Variants in PDE10A observed in about 807,000 individuals in gnomAD.
The protein encoded by PDE10A is phosphodiesterase 10A, also known as cAMP and cAMP-inhibited cGMP 3',5'-cyclic phosphodiesterase 10A.
Under a neutral mutation model 97.7 loss-of-function variants are expected in PDE10A, and 39 were observed. The ratio of observed to expected loss-of-function variants is 0.40; its 90% confidence interval spans 0.31 to 0.52. PDE10A has a LOEUF of 0.52. PDE10A is among the 20% of genes least tolerant of loss of function. PDE10A has a pLI of 0.56. For missense variants in PDE10A, 731 were observed against 1,047.8 expected (o/e 0.70, Z 4.17); for synonymous variants, 371 against 376.8 (o/e 0.98, Z 0.18).
chr6:165,686,130 G>GAC (rs57547290), intron 1 of PDE10A, among the ~76,000 whole-genome samples: 7,860 of 145,256 alleles, frequency 0.054, 267 homozygotes, highest in East Asian at 0.15. Context: ...AATGTGCATG[G>GAC]ACACACACAC....
At chr6:165,800,445 T>C (rs1210921018) in intron 1 of PDE10A, among the ~76,000 whole-genome samples, 2 of 152,200 alleles carry the variant, frequency 1.3e-5, no homozygotes, top group Non-Finnish European at 2.9e-5. Flanking sequence ...CGGCTGGAAC[T>C]GCGGCCAGCT....
intron 2 of PDE10A, among the ~76,000 whole-genome samples, chr6:165,540,047 C>T (rs984811575): frequency 3.9e-5 from 6 of 152,116 alleles, no homozygotes; most frequent in African/African-American, 1.4e-4. Flanking sequence ...ATGTAGCGAC[C>T]CTCAGGCTAT....
intron 1 of PDE10A, among the ~76,000 whole-genome samples, chr6:165,852,902 C>T (rs532857247): frequency 3.0e-4 from 45 of 152,374 alleles, no homozygotes; most frequent in African/African-American, 1.0e-3. Flanking sequence ...AAGGAACAGA[C>T]GTGGTAACGC....
At chr6:165,563,975 G>A (rs1009082707) in intron 1 of PDE10A, among the ~76,000 whole-genome samples, 1 of 150,000 alleles carries the variant, frequency 6.7e-6, no homozygotes. Flanking sequence ...ATCCTCCTCA[G>A]TCAGTCACCC....
intron 1 of PDE10A, among the ~76,000 whole-genome samples, chr6:165,743,801 G>A (rs1187704014): frequency 6.6e-6 from 1 of 152,232 alleles, no homozygotes; most frequent in Non-Finnish European, 1.5e-5. Context: ...ATTCTACAAT[G>A]AGAATGTTAG....
At chr6:165,854,826 C>T (rs563535891) in intron 1 of PDE10A, among the ~76,000 whole-genome samples, 1 of 152,300 alleles carries the variant, frequency 6.6e-6, no homozygotes, top group Admixed American at 6.5e-5. Flanking sequence ...CGGCCCGTGG[C>T]CTTGGCGGCG....
In PDE10A at chr6:165,379,207, T is replaced by G; in HGVS notation, c.2770A>C (p.Asn924His). ...AATTATTTTTACCTATGTGATTGAT[T>G]ATTAAGGTTTAGTGATCCGGTCTGG... Reference protein sequence around the residue: ...MYQTGSLNLNNQSHRDRVIGL... With the variant: ...MYQTGSLNLNHQSHRDRVIGL... The change falls in exon 18 of 22, where the codon AAT (asparagine) becomes CAT (histidine). Residue 924 changes from asparagine to histidine, a missense_variant. By Grantham distance (68) the Asn-to-His change is moderately conservative (BLOSUM62 1). This residue lies in a region of PDE10A where 96 missense variants were observed against 156.7 expected (regional missense o/e 0.61). Coordinates refer to ENST00000539869, the MANE Select transcript of PDE10A (RefSeq NM_001385079.1). 2 of 1,605,354 alleles carry G rather than the reference T, an allele frequency of 1.2e-6. No individual in the cohort carries two copies. The highest frequency in any genetic ancestry group is 8.5e-7 in the Non-Finnish European group (1 of 1,176,806).
At chr6:165,466,757 T>C (rs1479277318) in intron 3 of PDE10A, among the ~76,000 whole-genome samples, 1 of 152,162 alleles carries the variant, frequency 6.6e-6, no homozygotes, top group African/African-American at 2.4e-5. Flanking sequence ...ATGTTGAAAT[T>C]AGACAAACCA....
At position 165,782,729 on chromosome 6, in the gene PDE10A, GTC is replaced by G. The variant is rs570579361; in HGVS notation, c.-615+204798_-615+204799del. ...TATTCCAAAGAACATCAAGAACTAC[GTC>G]TTATCGTGTACCCAGGGACGTACTT... On this transcript the variant is annotated intron_variant, in intron 1 of 19. Transcript: ENST00000366882. 1.5e-3 allele frequency among the ~76,000 whole-genome samples: 233 copies of G among 152,192 alleles called. 3 individuals carry two copies. The East Asian group carries it at 0.021, about 14-fold the overall frequency.
chr6:165,434,833 C>T (rs1009927045), intron 6 of PDE10A, among the ~76,000 whole-genome samples: 1 of 152,152 alleles, frequency 6.6e-6, no homozygotes, highest in African/African-American at 2.4e-5. Context: ...ATAACCCAGT[C>T]CTTAGATTCA....
chr6:165,793,472 G>A (rs1778712736), intron 1 of PDE10A, among the ~76,000 whole-genome samples: 1 of 152,088 alleles, frequency 6.6e-6, no homozygotes, highest in South Asian at 2.1e-4. Flanking sequence ...CCTGCTGCCT[G>A]AGACCCGGGG....
chr6:165,743,625 C>A (rs115335058), intron 1 of PDE10A, among the ~76,000 whole-genome samples: 57 of 152,308 alleles, frequency 3.7e-4, no homozygotes, highest in African/African-American at 1.3e-3. Context: ...CAAAGACATA[C>A]ACACAGCAGA....
intron 1 of PDE10A, among the ~76,000 whole-genome samples, chr6:165,883,492 A>G (rs1453143934): frequency 6.6e-6 from 1 of 151,426 alleles, no homozygotes; most frequent in Non-Finnish European, 1.5e-5. Flanking sequence ...GTGAGCTAAG[A>G]CCACGCCACT....
intron 1 of PDE10A, among the ~76,000 whole-genome samples, chr6:165,614,846 T>A (rs183394499): frequency 0.041 from 5,752 of 141,676 alleles, 352 homozygotes; most frequent in African/African-American, 0.14. Flanking sequence ...GGCATTCAAT[T>A]AAAAAAAAAA....
At position 165,363,031 on chromosome 6, in the gene PDE10A, AT is replaced by A. The variant is rs1783527265; in HGVS notation, c.2783+16162del. Among the ~76,000 whole-genome samples the A allele has an allele frequency of 3.3e-5, 5 of 151,822 alleles. No individual in the cohort carries two copies. The South Asian group carries it at 8.3e-4, about 25-fold the overall frequency. ...CCAACACCCATTCACAATAAAAAAAATAAACACTCAACAAATCAGAATTAGA... is the reference window on the plus strand; with the variant it reads ...CCAACACCCATTCACAATAAAAAAAAAAACACTCAACAAATCAGAATTAGA... On this transcript the variant is annotated intron_variant, in intron 18 of 21. Transcript: ENST00000539869.
Position 165,758,474 on chromosome 6 carries a change from G to T in PDE10A, c.-614-214906C>A, listed in dbSNP as rs1793168711. ...AGAGTCTGTCTTGAAAAAAGAAGAA[G>T]AAAGAAGAAAGGAGAAAGAAGAAAG... On this transcript the variant is annotated intron_variant, in intron 1 of 19. Transcript: ENST00000366882. Among the ~76,000 whole-genome samples the T allele has an allele frequency of 2.3e-5, 3 of 129,550 alleles. No homozygotes were observed. In the Admixed American group the frequency reaches 2.7e-4, roughly 12 times the overall value. 85.0% of individuals were successfully genotyped at this position (129,550 alleles called of 152,430 possible). A position where few individuals can be genotyped will look rare whatever the true frequency, so the allele number is the denominator to read the frequency against.
chr6:165,935,213 G>A (rs1031791506), intron 1 of PDE10A, among the ~76,000 whole-genome samples: 7 of 152,182 alleles, frequency 4.6e-5, no homozygotes, highest in Admixed American at 1.3e-4. Flanking sequence ...TTATAAAGGA[G>A]GCCATCTTTG....
intron 1 of PDE10A, among the ~76,000 whole-genome samples, chr6:165,710,828 C>G (rs945798347): frequency 3.3e-5 from 5 of 152,210 alleles, no homozygotes; most frequent in African/African-American, 1.2e-4. Context: ...ATACAAAGTG[C>G]TTAGAAAAAT....
intron 1 of PDE10A, among the ~76,000 whole-genome samples, chr6:165,634,199 G>A (rs749297809): frequency 2.0e-5 from 3 of 152,098 alleles, no homozygotes; most frequent in Admixed American, 1.3e-4. Flanking sequence ...TCCGATCAGC[G>A]GATCTGCAGG....
Sources: allele counts gnomAD v4.1 joint callset (sites outside exome capture counted in the v4.1 genomes callset), GRCh38; gene constraint gnomAD v4.1.1; regional missense constraint gnomAD v4.1.1; transcripts MANE v1.5; gene names NCBI Gene and HGNC (gene_info 2026-07-23, HGNC 2026-07-21).